CMBL: variants seen among roughly 807,000 people sequenced by gnomAD.
CMBL encodes the protein carboxymethylenebutenolidase homolog (Pseudomonas).
A neutral mutation model predicts 28.7 loss-of-function variants in CMBL; 17 were observed. The observed-to-expected ratio is 0.59, with a 90% CI of 0.41 to 0.89. CMBL has a LOEUF of 0.89. Ranked by LOEUF, CMBL falls within the 40% of genes least tolerant of loss-of-function variation. The pLI, the probability that CMBL is intolerant of heterozygous loss-of-function variation, is 0.00. For synonymous variants in CMBL, 106 were observed against 101.6 expected, an observed-to-expected ratio of 1.04 and a Z score of -0.26; for missense variants, 310 against 298.5, an observed-to-expected ratio of 1.04 and a Z score of -0.28.
At chr5:10,282,106 G>T (rs1314725981) in intron 5 of CMBL, 91 bp downstream of exon 5, 2 of 866,702 alleles carry the variant, frequency 2.3e-6, no homozygotes, top group East Asian at 5.2e-5. Flanking sequence ...GTTGCAGTGA[G>T]CCGAGATCGC....
chr5:10,297,645 T>A (rs908098135), intron 1 of CMBL, among the ~76,000 whole-genome samples: 5 of 151,340 alleles, frequency 3.3e-5, no homozygotes, highest in South Asian at 4.2e-4. Flanking sequence ...CTTTTTTTTT[T>A]AAAGTGGAAG....
chr5:10,307,394 C>A (rs550159832), intron 1 of CMBL: 1 of 152,166 alleles, frequency 6.6e-6, no homozygotes, highest in African/African-American at 2.4e-5. Context: ...CAGGAAAATA[C>A]CAAAATGTAA....
intron 4 of CMBL, chr5:10,286,125 C>G (rs1312794865): frequency 4.7e-6 from 2 of 421,322 alleles, no homozygotes; most frequent in Non-Finnish European, 8.3e-6. Context: ...GTGGCTTTCC[C>G]AAAGTCACAC....
At position 10,278,915 on chromosome 5, in the gene CMBL, T is replaced by G. The variant is rs913067741; in HGVS notation, c.*1538A>C. On this transcript the variant is annotated 3_prime_UTR_variant, in exon 6 of 6. Coordinates refer to ENST00000296658, the MANE Select transcript of CMBL (RefSeq NM_138809.4). ...GGCCGTCTGTGAGGTCAAAGAAGGA[T>G]CCCATGAAAGGCACATGGGAAACAC... 2.6e-5 allele frequency among the ~76,000 whole-genome samples: 4 copies of G among 151,832 alleles called. No homozygotes were observed. The highest frequency in any genetic ancestry group is 5.9e-5 in the Non-Finnish European group (4 of 67,966).
In CMBL at chr5:10,289,787, T is replaced by A. The variant is rs758181384; in HGVS notation, c.215+761A>T. On this transcript the variant is annotated intron_variant, in intron 2 of 5. Coordinates refer to ENST00000296658, the MANE Select transcript of CMBL (RefSeq NM_138809.4). This position sits in a 1 kb window ranked among gnomAD's most constrained non-coding sequence, Gnocchi z 4.3. ...ACTCTGCATCCCACCAGGGTGGGCA[T>A]GATTCCTTTAAGCCAGTTTCTCTTC... Among the ~76,000 whole-genome samples, 13 of 152,236 alleles carry A rather than the reference T, an allele frequency of 8.5e-5. No homozygotes were observed. The highest frequency in any genetic ancestry group is 1.9e-4 in the East Asian group (1 of 5,202).
chr5:10,298,255 A>G (rs1746842019), intron 1 of CMBL, among the ~76,000 whole-genome samples: 1 of 152,158 alleles, frequency 6.6e-6, no homozygotes, highest in Non-Finnish European at 1.5e-5. Flanking sequence ...TCTAAGTAGG[A>G]AAGGCGAAAT....
chr5:10,301,764 G>A (rs1746904675), intron 1 of CMBL, among the ~76,000 whole-genome samples: 1 of 151,912 alleles, frequency 6.6e-6, no homozygotes, highest in African/African-American at 2.4e-5. Context: ...ACTATGCCCG[G>A]CTAATTTTTA....
chr5:10,304,225 C>A (rs927002856), intron 1 of CMBL, among the ~76,000 whole-genome samples: 4 of 151,910 alleles, frequency 2.6e-5, no homozygotes, highest in Non-Finnish European at 5.9e-5. Context: ...GAAAATTAGC[C>A]AGGCTTGGTG....
chr5:10,290,633 C>A lies in CMBL; in HGVS notation c.130G>T (p.Ala44Ser). ...VTKSPVDAGK[A>S]VIVIQDIFGW... ...AATATATCTTGAATGACAATCACAG[C>A]TTTGCCTGCATCAACGGGGGATTTG... is the stretch of plus-strand genomic sequence containing the variant. The change falls in exon 2 of 6, where the codon GCT becomes TCT. Residue 44 changes from alanine (A) to serine (S), a missense_variant. Ala to Ser is a moderately conservative substitution (Grantham distance 99). Coordinates refer to ENST00000296658, the MANE Select transcript of CMBL (RefSeq NM_138809.4). 1.2e-6 allele frequency: 2 copies of A among 1,614,188 alleles called. No individual in the cohort carries two copies. The highest frequency in any genetic ancestry group is 3.3e-5 in the Admixed American group (2 of 60,018).
chr5:10,282,504 C>T (rs1358827701), intron 4 of CMBL, among the ~76,000 whole-genome samples: 4 of 152,104 alleles, frequency 2.6e-5, no homozygotes, highest in Admixed American at 6.6e-5. Context: ...AAAAGAAGGC[C>T]GGGCGCGGTG....
chr5:10,295,738 A>G (rs1479197278), intron 1 of CMBL, among the ~76,000 whole-genome samples: 1 of 152,218 alleles, frequency 6.6e-6, no homozygotes. Flanking sequence ...CAGCGCCTCG[A>G]TCTTGGACTT....
chr5:10,286,258 G>T, intron 4 of CMBL, 96 bp downstream of exon 4: 2 of 1,212,842 alleles, frequency 1.6e-6, no homozygotes, highest in South Asian at 1.5e-5. Flanking sequence ...TCACATTATT[G>T]GGGGTTGTGT....
intron 1 of CMBL, among the ~76,000 whole-genome samples, chr5:10,295,440 G>A (rs1039273281): frequency 6.6e-6 from 1 of 152,174 alleles, no homozygotes; most frequent in African/African-American, 2.4e-5. Context: ...TTCGAAAAAT[G>A]TGAACTGTCA....
chr5:10,291,634 CTGGG>C (rs1488677569), intron 1 of CMBL, among the ~76,000 whole-genome samples: 1 of 150,132 alleles, frequency 6.7e-6, no homozygotes, highest in African/African-American at 2.5e-5. Flanking sequence ...GCACTCCAGC[CTGGG>C]GGACAGAGCG....
intron 4 of CMBL, among the ~76,000 whole-genome samples, chr5:10,285,234 T>A (rs565079024): frequency 2.6e-5 from 4 of 152,312 alleles, no homozygotes; most frequent in African/African-American, 9.6e-5. Context: ...AGTGGCACAA[T>A]CTTGGTTCAC....
chr5:10,307,541 G>A (rs1747019828), intron 1 of CMBL, 84 bp downstream of exon 1: 1 of 152,276 alleles, frequency 6.6e-6, no homozygotes, highest in Admixed American at 6.5e-5. Context: ...GACCTTCTTT[G>A]CCATAGTCAG....
At chr5:10,286,766 C>A (rs1746611825) in intron 3 of CMBL, among the ~76,000 whole-genome samples, 1 of 152,196 alleles carries the variant, frequency 6.6e-6, no homozygotes, top group South Asian at 2.1e-4. Context: ...TCACTCCCAG[C>A]TGAGAGCTGA....
rs780254939 is a variant in CMBL, at chr5:10,280,480, T to C, written c.711A>G (p.Leu237=). 1 of 1,607,042 alleles carries C rather than the reference T, an allele frequency of 6.2e-7. No individual in the cohort carries two copies. The highest frequency in any genetic ancestry group is 1.7e-5 in the Admixed American group (1 of 59,904). Reference sequence around the variant, plus strand: ...ACATGTACTTGTTCAGCCACTCAATTAAATTCCTTCTGGCCTCGTCAATGT... The same window carrying C: ...ACATGTACTTGTTCAGCCACTCAATCAAATTCCTTCTGGCCTCGTCAATGT... ...KPYIDEARRN[L]IEWLNKYM The change falls in exon 6 of 6, where the codon TTA becomes TTG. Residue 237 remains leucine, a synonymous_variant. Coordinates refer to ENST00000296658, the MANE Select transcript of CMBL (RefSeq NM_138809.4).
intron 1 of CMBL, 30 bp downstream of exon 1, chr5:10,307,595 G>A (rs1009282193): frequency 2.0e-5 from 3 of 152,326 alleles, no homozygotes; most frequent in African/African-American, 7.2e-5. Flanking sequence ...GGCTTGTGTG[G>A]GCTTGTGTGC....
Sources: allele counts gnomAD v4.1 joint callset (sites outside exome capture counted in the v4.1 genomes callset), GRCh38; gene constraint gnomAD v4.1.1; non-coding constraint Gnocchi (gnomAD v3.1); transcripts MANE v1.5; gene names NCBI Gene and HGNC (gene_info 2026-07-23, HGNC 2026-07-21).